Variants in NHS observed in about 807,000 individuals in gnomAD.
NHS encodes NHS actin remodeling regulator.
NHS carries 5 observed loss-of-function variants against 72.5 expected under a neutral mutation model. The ratio of observed to expected loss-of-function variants is 0.07; its 90% CI spans 0.04 to 0.14. NHS has a LOEUF of 0.14. Ranked by LOEUF, NHS falls within the 10% of genes least tolerant of loss-of-function variation. NHS has a pLI of 1.00. For missense variants in NHS, 1,072 were observed against 1,355.7 expected (o/e 0.79, Z 3.29); for synonymous variants, 464 against 547.7 (o/e 0.85, Z 2.13).
chrX:17,566,548 TA>T (rs1343341310), intron 1 of NHS, among the ~76,000 whole-genome samples: 1 of 111,589 alleles, frequency 9.0e-6, no homozygotes, highest in Non-Finnish European at 1.9e-5. Context: ...TCAGTAAATT[TA>T]TGGACCAATG....
At chrX:17,615,419 ATT>A (rs1164559190) in intron 1 of NHS, among the ~76,000 whole-genome samples, 2 of 98,184 alleles carry the variant, frequency 2.0e-5, no homozygotes, top group Non-Finnish European at 2.1e-5. Flanking sequence ...CACTCGGCTA[ATT>A]TTTTTTTTTT....
chrX:17,385,272 G>T (rs1447609349), intron 1 of NHS, among the ~76,000 whole-genome samples: 1 of 111,865 alleles, frequency 8.9e-6, no homozygotes, highest in Non-Finnish European at 1.9e-5. Context: ...GCTTAATTCT[G>T]GGAGGCCAAG....
At chrX:17,505,319 A>G (rs1466924521) in intron 1 of NHS, among the ~76,000 whole-genome samples, 3 of 111,518 alleles carry the variant, frequency 2.7e-5, no homozygotes, top group African/African-American at 9.8e-5. Flanking sequence ...AGTAAATTCC[A>G]TACAGTGGAA....
At chrX:17,382,918 G>T (rs1311394147) in intron 1 of NHS, among the ~76,000 whole-genome samples, 1 of 112,101 alleles carries the variant, frequency 8.9e-6, no homozygotes, top group African/African-American at 3.2e-5. Context: ...AGAGGTGCCA[G>T]CAGGTTAATG....
rs1177566837 is a variant in NHS, at chrX:17,691,284, A to G, written c.719-1051A>G. On this transcript the variant is annotated intron_variant, in intron 2 of 8. Transcript: ENST00000676302. ...GTAAACACTTTTCCTTGTGTTACCC[A>G]TTTAGAAAAGCCCACTGTTTGCTTG... 3.6e-5 allele frequency among the ~76,000 whole-genome samples: 4 copies of G among 112,093 alleles called. No homozygotes were observed. In the East Asian group the frequency reaches 1.1e-3, roughly 31 times the overall value.
chrX:17,446,587 C>T (rs1277924359), intron 1 of NHS, among the ~76,000 whole-genome samples: 1 of 108,117 alleles, frequency 9.2e-6, no homozygotes, highest in Non-Finnish European at 1.9e-5. Flanking sequence ...CCACCCCTAT[C>T]TCCTTTCGCT....
intron 1 of NHS, among the ~76,000 whole-genome samples, chrX:17,427,679 T>C (rs1334382743): frequency 8.9e-6 from 1 of 112,472 alleles, no homozygotes; most frequent in African/African-American, 3.2e-5. Flanking sequence ...TACAGTTCTG[T>C]CTTGCACAGA....
intron 1 of NHS, among the ~76,000 whole-genome samples, chrX:17,460,122 A>T (rs1328079126): frequency 9.0e-6 from 1 of 111,451 alleles, no homozygotes; most frequent in African/African-American, 3.3e-5. Flanking sequence ...GAACACTGTT[A>T]TACCCACATT....
At position 17,536,287 on chromosome X, in the gene NHS, G is replaced by A. The variant is rs760923012; in HGVS notation, c.566-151455G>A. Among the ~76,000 whole-genome samples the A allele has an allele frequency of 7.3e-4, 82 of 112,427 alleles. 1 individual carries two copies. The highest frequency in any genetic ancestry group is 2.6e-3 in the African/African-American group (79 of 30,943). Reference sequence around the variant, plus strand: ...GGAGAATGGTGGGAACCTGGGAGGCGGAGCTTGCAGTGAGCCGAGATCGCG... The same window carrying A: ...GGAGAATGGTGGGAACCTGGGAGGCAGAGCTTGCAGTGAGCCGAGATCGCG... On this transcript the variant is annotated intron_variant, in intron 1 of 8. Coordinates refer to ENST00000676302, the MANE Select transcript of NHS (RefSeq NM_001291867.2).
chrX:17,594,733 G>A lies in NHS; in HGVS notation c.566-93009G>A, dbSNP rs1288404594. 6.2e-5 allele frequency among the ~76,000 whole-genome samples: 7 copies of A among 112,783 alleles called. No homozygotes were observed. In the East Asian group the frequency reaches 8.4e-4, roughly 13 times the overall value. On this transcript the variant is annotated intron_variant, in intron 1 of 8. Transcript: ENST00000676302. ...CTTGTGCACGCCCTTCATTGAGAGC[G>A]TCCTCTCAGAAGGGGCATAAGGGAA...
intron 1 of NHS, among the ~76,000 whole-genome samples, chrX:17,466,998 T>TA (rs1271850827): frequency 1.8e-5 from 2 of 111,782 alleles, no homozygotes; most frequent in African/African-American, 6.5e-5. Context: ...GATTTCTTTT[T>TA]ACTGGCTCCT....
chrX:17,521,260 T>C (rs915774388), intron 1 of NHS, among the ~76,000 whole-genome samples: 1 of 111,499 alleles, frequency 9.0e-6, no homozygotes, highest in Non-Finnish European at 1.9e-5. Flanking sequence ...TCTCTTGTAA[T>C]GTGTGACCAA....
chrX:17,428,796 C>T (rs1247675093), intron 1 of NHS, among the ~76,000 whole-genome samples: 1 of 111,201 alleles, frequency 9.0e-6, no homozygotes, highest in African/African-American at 3.3e-5. Context: ...TCCTGGTTTC[C>T]AGCCTTTTTA....
intron 1 of NHS, among the ~76,000 whole-genome samples, chrX:17,554,115 C>A (rs2065352621): frequency 8.9e-6 from 1 of 112,325 alleles, no homozygotes; most frequent in Non-Finnish European, 1.9e-5. Context: ...TCCCCCAGGG[C>A]CTTTAGTCAG....
chrX:17,473,142 C>A (rs1162982008), intron 1 of NHS, among the ~76,000 whole-genome samples: 1 of 111,656 alleles, frequency 9.0e-6, no homozygotes, highest in Non-Finnish European at 1.9e-5. Context: ...AAATGAGAAC[C>A]CAACTTAGTA....
At chrX:17,692,638 C>T (rs983338656) in intron 3 of NHS, among the ~76,000 whole-genome samples, 170 bp downstream of exon 3, 1 of 111,451 alleles carries the variant, frequency 9.0e-6, no homozygotes, top group Non-Finnish European at 1.9e-5. Flanking sequence ...GAAAGAAACG[C>T]CTCTTTTTTG....
intron 1 of NHS, among the ~76,000 whole-genome samples, chrX:17,542,884 C>T (rs1173398245): frequency 8.9e-6 from 1 of 111,917 alleles, no homozygotes; most frequent in African/African-American, 3.3e-5. Context: ...TAATTATATC[C>T]AGCTTGTAGG....
In NHS at chrX:17,641,617, C is replaced by T. The variant is rs2065881406; in HGVS notation, c.566-46125C>T. 2.7e-5 allele frequency among the ~76,000 whole-genome samples: 3 copies of T among 111,039 alleles called. No individual in the cohort carries two copies. In the South Asian group the frequency reaches 1.2e-3, roughly 43 times the overall value. Reference sequence around the variant, plus strand: ...GTAGGTATAGAATCTGCCCTACATCCTGCTCTATATTTGGGGCAAAGCTGA... The same window carrying T: ...GTAGGTATAGAATCTGCCCTACATCTTGCTCTATATTTGGGGCAAAGCTGA... On this transcript the variant is annotated intron_variant, in intron 1 of 8. Transcript: ENST00000676302.
chrX:17,558,594 TAC>T (rs746071194), intron 1 of NHS, among the ~76,000 whole-genome samples: 9 of 112,334 alleles, frequency 8.0e-5, no homozygotes, highest in Middle Eastern at 4.7e-3. Context: ...GACAGATACT[TAC>T]AGTCTTAAAA....
Sources: gnomAD v4.1 joint callset for allele counts (sites outside exome capture counted in the v4.1 genomes callset) on GRCh38, gnomAD v4.1.1 for gene constraint, MANE v1.5 for transcripts, NCBI Gene and HGNC (gene_info 2026-07-23, HGNC 2026-07-21) for gene names.